Variants in TMEM74 observed in about 807,000 individuals in gnomAD.
TMEM74 encodes the protein transmembrane protein 74.
Under a neutral mutation model 18.1 loss-of-function variants are expected in TMEM74, and 13 were observed. That is an observed-to-expected ratio of 0.72 (90% CI 0.47 to 1.14). The LOEUF (loss-of-function observed/expected upper bound fraction) is 1.14, where lower values mean the gene tolerates loss of function less well. Ranked by LOEUF, TMEM74 falls within the 50% of genes most tolerant of loss-of-function variation. The probability of loss-of-function intolerance (pLI) is 0.00; values close to 1 mark genes in which losing one functional copy is unlikely to be tolerated. For synonymous variants in TMEM74, 159 were observed against 146.6 expected (o/e 1.08, Z -0.61); for missense variants, 372 against 375.9 (o/e 0.99, Z 0.09).
chr8:108,711,813 TAA>T (rs1813478527), intron 1 of TMEM74, among the ~76,000 whole-genome samples: 1 of 152,010 alleles, frequency 6.6e-6, no homozygotes, highest in East Asian at 1.9e-4. Context: ...CTATAATGAA[TAA>T]AGTTATGAAA....
At chr8:108,739,124 A>G (rs1281257652) in intron 1 of TMEM74, among the ~76,000 whole-genome samples, 2 of 152,218 alleles carry the variant, frequency 1.3e-5, no homozygotes, top group Non-Finnish European at 2.9e-5. Context: ...CCCCAACTGC[A>G]TATCTTTGAC....
chr8:108,784,910 A>C lies in TMEM74; in HGVS notation c.189T>G (p.Ser63=). Residue 63 remains serine (S), a synonymous_variant, in exon 2 of 2, where the codon TCT becomes TCG. Transcript: ENST00000297459. The part of the protein sequence containing the change: ...TEMEGSKLSS[S]PASPSSSLQN... ...GCAGAGAGGAGGAGGGGGATGCTGG[A>C]GAAGAACTAAGTTTAGACCCTTCCA... 6.2e-7 allele frequency: 1 copy of C among 1,614,108 alleles called. No individual in the cohort carries two copies. Among genetic ancestry groups the C allele is most frequent in the Non-Finnish European group, 8.5e-7 (1 of 1,180,012 alleles).
intron 1 of TMEM74, among the ~76,000 whole-genome samples, chr8:108,699,333 G>A (rs1157975559): frequency 6.6e-6 from 1 of 151,792 alleles, no homozygotes; most frequent in African/African-American, 2.4e-5. Context: ...CTATGTGTAT[G>A]TATGTAAACT....
chr8:108,785,768 C>A (rs1398151137), intron 1 of TMEM74, among the ~76,000 whole-genome samples: 1 of 152,170 alleles, frequency 6.6e-6, no homozygotes, highest in Admixed American at 6.5e-5. Context: ...TAAGCTTACA[C>A]CTCATACATC....
In TMEM74 at chr8:108,781,140, C is replaced by T. The variant is rs1050251179; in HGVS notation, c.*3041G>A. 1.4e-4 allele frequency among the ~76,000 whole-genome samples: 21 copies of T among 152,090 alleles called. No homozygotes were observed. The highest frequency in any genetic ancestry group is 2.9e-4 in the Non-Finnish European group (20 of 68,018). On this transcript the variant is annotated 3_prime_UTR_variant, in exon 2 of 2. Transcript: ENST00000297459. ...GAAGATGACTCTTGAGTTTAGATTT[C>T]TAAAACCATGTAAATAAGCTAAAGA...
At chr8:108,734,667 A>G (rs994988737) in intron 1 of TMEM74, among the ~76,000 whole-genome samples, 2 of 152,052 alleles carry the variant, frequency 1.3e-5, no homozygotes, top group African/African-American at 4.8e-5. Flanking sequence ...TTGTTATTCA[A>G]AAAGAAAGAA....
downstream of TMEM74, among the ~76,000 whole-genome samples, chr8:108,778,513 A>G (rs906812649): frequency 6.6e-6 from 1 of 152,210 alleles, no homozygotes; most frequent in South Asian, 2.1e-4. Flanking sequence ...AAAAACAGAT[A>G]TCGAAAGAAG....
chr8:108,732,762 T>TAAAGCTTCTAGAATGAA (rs57245020), intron 1 of TMEM74, among the ~76,000 whole-genome samples: 3,598 of 139,420 alleles, frequency 0.026, 148 homozygotes, highest in African/African-American at 0.095. Flanking sequence ...GCTACAATTA[T>TAAAGCTTCTAGAATGAA]ACATAGACAA....
chr8:108,725,258 C>G (rs1369723692), intron 1 of TMEM74, among the ~76,000 whole-genome samples: 1 of 152,150 alleles, frequency 6.6e-6, no homozygotes, highest in Non-Finnish European at 1.5e-5. Context: ...TTTATGATAG[C>G]TCTTAGCACT....
intron 1 of TMEM74, among the ~76,000 whole-genome samples, chr8:108,750,562 G>A (rs897771033): frequency 3.9e-5 from 6 of 152,082 alleles, no homozygotes; most frequent in African/African-American, 1.4e-4. Flanking sequence ...GCCATTTCCT[G>A]ACAGTCCACA....
chr8:108,702,428 A>G (rs1208244170), intron 1 of TMEM74, among the ~76,000 whole-genome samples: 1 of 150,698 alleles, frequency 6.6e-6, no homozygotes. Context: ...GGAGGAAAGG[A>G]AAAAAAAATG....
At chr8:108,679,324 T>C (rs143497063) in intron 1 of TMEM74, among the ~76,000 whole-genome samples, 4,469 of 152,246 alleles carry the variant, frequency 0.029, 121 homozygotes, top group African/African-American at 0.066. Flanking sequence ...AATCTCCACA[T>C]TGAATTCCAC....
chr8:108,655,058 T>TAAC (rs1290829391), intron 2 of TMEM74, among the ~76,000 whole-genome samples: 2 of 152,150 alleles, frequency 1.3e-5, no homozygotes, highest in Non-Finnish European at 2.9e-5. Flanking sequence ...TCCTTTGACC[T>TAAC]AACATATCTT....
At chr8:108,757,717 C>T (rs1389228487) in intron 1 of TMEM74, among the ~76,000 whole-genome samples, 1 of 151,958 alleles carries the variant, frequency 6.6e-6, no homozygotes, top group South Asian at 2.1e-4. Flanking sequence ...CTTAATGACA[C>T]CATAATTAAT....
chr8:108,654,942 G>A (rs184283190), intron 2 of TMEM74, among the ~76,000 whole-genome samples: 2 of 152,072 alleles, frequency 1.3e-5, no homozygotes, highest in Non-Finnish European at 2.9e-5. Flanking sequence ...GTAATTTATC[G>A]TATGATAGCA....
At chr8:108,626,321 T>C (rs1424131018) in intron 2 of TMEM74, among the ~76,000 whole-genome samples, 1 of 152,070 alleles carries the variant, frequency 6.6e-6, no homozygotes, top group Non-Finnish European at 1.5e-5. Context: ...CCTCTTACAA[T>C]TCAGAATTTT....
chr8:108,763,746 A>G (rs1814071031), intron 1 of TMEM74, among the ~76,000 whole-genome samples: 1 of 152,192 alleles, frequency 6.6e-6, no homozygotes, highest in Non-Finnish European at 1.5e-5. Flanking sequence ...CCATATCTGA[A>G]TTAAAAGCAT....
intron 1 of TMEM74, among the ~76,000 whole-genome samples, chr8:108,720,261 T>A (rs2130630662): frequency 6.6e-6 from 1 of 152,366 alleles, no homozygotes; most frequent in South Asian, 2.1e-4. Flanking sequence ...CAATTTTGAT[T>A]TTTAAAAATC....
At chr8:108,726,580 T>G (rs1813640431) in intron 1 of TMEM74, among the ~76,000 whole-genome samples, 1 of 152,140 alleles carries the variant, frequency 6.6e-6, no homozygotes. Flanking sequence ...TTGCACCTGT[T>G]TGGGAGATTC....
Sources: allele counts gnomAD v4.1 joint callset (sites outside exome capture counted in the v4.1 genomes callset), GRCh38; gene constraint gnomAD v4.1.1; transcripts MANE v1.5; gene names NCBI Gene and HGNC (gene_info 2026-07-23, HGNC 2026-07-21).